The following ZNF536 variants were observed in gnomAD, a reference collection of about 807,000 sequenced individuals.
ZNF536 encodes the protein zinc finger protein 536.
ZNF536 carries 13 observed loss-of-function variants against 84.5 expected under a neutral mutation model. That is an observed-to-expected ratio of 0.15 (90% CI 0.10 to 0.24). The LOEUF (loss-of-function observed/expected upper bound fraction) is 0.24. Among genes scored for constraint, ZNF536 ranks in the 10% least tolerant of loss-of-function variants. The pLI is 1.00. For missense variants in ZNF536, 1,536 were observed against 1,747.5 expected (o/e 0.88, Z 2.16); for synonymous variants, 811 against 742.5 (o/e 1.09, Z -1.50).
At chr19:30,420,860 C>A (rs959182127) in intron 1 of ZNF536, among the ~76,000 whole-genome samples, 1 of 152,168 alleles carries the variant, frequency 6.6e-6, no homozygotes, top group African/African-American at 2.4e-5. Context: ...AGAGGAAAAG[C>A]TGTGAATCGT....
chr19:30,707,698 A>G (rs1265291204), intron 1 of ZNF536, among the ~76,000 whole-genome samples: 2 of 152,230 alleles, frequency 1.3e-5, no homozygotes, highest in Non-Finnish European at 2.9e-5. Flanking sequence ...CAGAAGAAGC[A>G]GAAGCACTAT....
chr19:30,445,045 G>C lies in ZNF536; in HGVS notation c.1483G>C (p.Val495Leu), dbSNP rs769939047. ...KHSLLGCLNL[V>L]PPLKSSCIER... ...CTCCCTCCTGGGATGCCTCAATCTC[G>C]TGCCGCCGCTGAAATCCAGCTGCAT... The change falls in exon 2 of 5, where the codon GTG becomes CTG. Residue 495 changes from valine to leucine, a missense_variant. Coordinates refer to ENST00000355537, the MANE Select transcript of ZNF536 (RefSeq NM_014717.3). The surrounding 1 kb of genome is among the most constrained non-coding windows in gnomAD (Gnocchi z 4.5). 3 of 1,613,286 alleles carry C rather than the reference G, an allele frequency of 1.9e-6. No homozygotes were observed. The highest frequency in any genetic ancestry group is 2.5e-6 in the Non-Finnish European group (3 of 1,179,978).
At chr19:30,248,224 C>CTTTTTTTTTT (rs58799737) in intron 1 of ZNF536, among the ~76,000 whole-genome samples, 1 of 131,004 alleles carries the variant, frequency 7.6e-6, no homozygotes, top group Non-Finnish European at 1.6e-5. Flanking sequence ...TCTTTTCTTT[C>CTTTTTTTTTT]TTTTTTTTTT....
chr19:30,672,253 A>C (rs943527581), intron 1 of ZNF536, among the ~76,000 whole-genome samples: 1 of 152,228 alleles, frequency 6.6e-6, no homozygotes, highest in Non-Finnish European at 1.5e-5. Flanking sequence ...CTGTGTGTGC[A>C]GAGGGGCCAT....
At chr19:30,441,101 G>A (rs911572561) in intron 1 of ZNF536, among the ~76,000 whole-genome samples, 9 of 152,140 alleles carry the variant, frequency 5.9e-5, no homozygotes, top group African/African-American at 1.7e-4. Flanking sequence ...TTGCAGTCTC[G>A]CCGCATTGCA....
chr19:30,512,892 C>G (rs2055474572), intron 2 of ZNF536, among the ~76,000 whole-genome samples: 1 of 152,166 alleles, frequency 6.6e-6, no homozygotes, highest in Admixed American at 6.5e-5. Flanking sequence ...CAGGCGTTCA[C>G]AAAGATGGCA....
intron 1 of ZNF536, among the ~76,000 whole-genome samples, chr19:30,626,679 G>C (rs1400445673): frequency 1.3e-5 from 2 of 152,092 alleles, no homozygotes; most frequent in African/African-American, 4.8e-5. Flanking sequence ...GTGGGCCCCT[G>C]CACGACGCAA....
intron 1 of ZNF536, among the ~76,000 whole-genome samples, chr19:30,443,084 T>A (rs2052136831): frequency 6.6e-6 from 1 of 151,698 alleles, no homozygotes; most frequent in Non-Finnish European, 1.5e-5. Flanking sequence ...ATGATCTCTT[T>A]CATCTCAGAC....
chr19:30,634,147 T>G, intron 1 of ZNF536, among the ~76,000 whole-genome samples: 1 of 151,902 alleles, frequency 6.6e-6, no homozygotes, highest in Admixed American at 6.6e-5. Flanking sequence ...CCCAAATGTC[T>G]TTCTCTCCCG....
At chr19:30,599,446 C>T (rs1214423477) in intron 1 of ZNF536, among the ~76,000 whole-genome samples, 1 of 88,326 alleles carries the variant, frequency 1.1e-5, no homozygotes, top group East Asian at 3.8e-4. Flanking sequence ...CCCCCTCCCT[C>T]CTTCCTTCCC....
chr19:30,239,874 G>A (rs1026386518), intron 1 of ZNF536, among the ~76,000 whole-genome samples: 10 of 152,118 alleles, frequency 6.6e-5, no homozygotes, highest in South Asian at 2.1e-4. Context: ...CAAAAAGAGC[G>A]CACACCACGA....
intron 1 of ZNF536, among the ~76,000 whole-genome samples, chr19:30,699,331 A>G (rs539537715): frequency 6.6e-6 from 1 of 152,292 alleles, no homozygotes; most frequent in South Asian, 2.1e-4. Context: ...ACACACATCT[A>G]TATTATAAAT....
intron 2 of ZNF536, among the ~76,000 whole-genome samples, chr19:30,479,161 C>A (rs2053970589): frequency 6.6e-6 from 1 of 152,152 alleles, no homozygotes; most frequent in South Asian, 2.1e-4. Flanking sequence ...GTTTACTTTT[C>A]TCTCTCTCAT....
rs529471707 is a variant in ZNF536 at position 30,303,613 on chromosome 19, G to T, written c.-120+19472G>T. Among the ~76,000 whole-genome samples, 20 of 151,672 alleles carry T rather than the reference G, an allele frequency of 1.3e-4. No individual in the cohort carries two copies. The South Asian group carries it at 4.2e-3, about 32-fold the overall frequency. The stretch of plus-strand genomic sequence containing the variant: ...CGCCTCCCAGGTTCAAGGGATTCTC[G>T]TGCCTCAGCCTCCCGAGCAGCTGGG... On this transcript the variant is annotated intron_variant, in intron 2 of 5. Transcript: ENST00000585628.
At chr19:30,617,328 G>A (rs1290423285) in intron 1 of ZNF536, among the ~76,000 whole-genome samples, 7 of 41,016 alleles carry the variant, frequency 1.7e-4, no homozygotes, top group Non-Finnish European at 3.9e-4. Flanking sequence ...TATCTGAATA[G>A]CTTACTTTTT....
At chr19:30,375,049 G>C (rs2048758778) in intron 1 of ZNF536, among the ~76,000 whole-genome samples, 1 of 151,818 alleles carries the variant, frequency 6.6e-6, no homozygotes, top group Non-Finnish European at 1.5e-5. Context: ...GGGACATGAT[G>C]GCATTAATAA....
intron 1 of ZNF536, among the ~76,000 whole-genome samples, chr19:30,679,250 A>T (rs1204841574): frequency 6.6e-6 from 1 of 152,212 alleles, no homozygotes; most frequent in African/African-American, 2.4e-5. Context: ...GTGGATTATC[A>T]ATAGCTGCTT....
intron 1 of ZNF536, among the ~76,000 whole-genome samples, chr19:30,618,726 TC>T (rs1250356571): frequency 2.0e-5 from 3 of 152,174 alleles, no homozygotes; most frequent in Non-Finnish European, 4.4e-5. Flanking sequence ...TACTCTCAAA[TC>T]TTTTTGTTGA....
chr19:30,452,282 C>T (rs1045808813), intron 2 of ZNF536, among the ~76,000 whole-genome samples: 3 of 152,246 alleles, frequency 2.0e-5, no homozygotes, highest in African/African-American at 7.2e-5. Flanking sequence ...TTCTGGCCGC[C>T]CAGATCCCTT....
Sources: gnomAD v4.1 joint callset for allele counts (sites outside exome capture counted in the v4.1 genomes callset) on GRCh38, gnomAD v4.1.1 for gene constraint, Gnocchi (gnomAD v3.1) non-coding constraint, MANE v1.5 for transcripts, NCBI Gene and HGNC (gene_info 2026-07-23, HGNC 2026-07-21) for gene names.